The following SLC24A3 variants were observed in gnomAD, a reference collection of about 807,000 sequenced individuals.
SLC24A3 encodes the protein solute carrier family 24 member 3, also known as sodium/potassium/calcium exchanger 3.
A neutral mutation model predicts 75.8 loss-of-function variants in SLC24A3; 28 were observed. The ratio of observed to expected loss-of-function variants is 0.37; its 90% CI spans 0.27 to 0.51. The LOEUF is 0.51. Among genes scored for constraint, SLC24A3 ranks in the 20% least tolerant of loss-of-function variants. SLC24A3 has a pLI of 0.94. For synonymous variants in SLC24A3, 372 were observed against 334.1 expected, an observed-to-expected ratio of 1.11 and a Z score of -1.24; for missense variants, 663 against 847.8, an observed-to-expected ratio of 0.78 and a Z score of 2.71.
At chr20:19,681,333 A>G (rs1238441115) in intron 9 of SLC24A3, among the ~76,000 whole-genome samples, 1 of 152,196 alleles carries the variant, frequency 6.6e-6, no homozygotes, top group Non-Finnish European at 1.5e-5. Flanking sequence ...CAGGAAACCA[A>G]AGCCATACAG....
intron 2 of SLC24A3, among the ~76,000 whole-genome samples, chr20:19,323,953 C>CT (rs1182118998): frequency 6.6e-6 from 1 of 152,166 alleles, no homozygotes; most frequent in Non-Finnish European, 1.5e-5. Context: ...TATTTGCTTT[C>CT]TAGTCTGTCA....
At chr20:19,650,816 CT>C (rs2032194056) in intron 6 of SLC24A3, among the ~76,000 whole-genome samples, 1 of 152,064 alleles carries the variant, frequency 6.6e-6, no homozygotes, top group Non-Finnish European at 1.5e-5. Context: ...TTATAATTGT[CT>C]TTTTTATTGT....
chr20:19,305,139 T>C (rs1984292964), intron 2 of SLC24A3, among the ~76,000 whole-genome samples: 1 of 152,066 alleles, frequency 6.6e-6, no homozygotes, highest in Non-Finnish European at 1.5e-5. Flanking sequence ...TTTGGATGTG[T>C]CCATTCTTTC....
chr20:19,497,434 C>G (rs1988308777), intron 2 of SLC24A3, among the ~76,000 whole-genome samples: 1 of 152,142 alleles, frequency 6.6e-6, no homozygotes, highest in African/African-American at 2.4e-5. Context: ...TAGTAAAAGG[C>G]TAATTAGGAA....
chr20:19,307,846 C>T (rs897065100), intron 2 of SLC24A3, among the ~76,000 whole-genome samples: 5 of 152,128 alleles, frequency 3.3e-5, no homozygotes, highest in Non-Finnish European at 7.4e-5. Flanking sequence ...CAGGAATACA[C>T]ATGGCAGGGA....
At chr20:19,360,338 C>T (rs560271324) in intron 2 of SLC24A3, among the ~76,000 whole-genome samples, 2 of 152,314 alleles carry the variant, frequency 1.3e-5, no homozygotes, top group Non-Finnish European at 2.9e-5. Flanking sequence ...GCCTCCACAT[C>T]TGGGCCTGTG....
At chr20:19,333,350 C>A (rs1002222588) in intron 2 of SLC24A3, among the ~76,000 whole-genome samples, 2 of 152,130 alleles carry the variant, frequency 1.3e-5, no homozygotes, top group African/African-American at 4.8e-5. Flanking sequence ...TCATTACAAC[C>A]AGGGTGCTCA....
chr20:19,338,578 G>A (rs540643959), intron 2 of SLC24A3, among the ~76,000 whole-genome samples: 28 of 152,278 alleles, frequency 1.8e-4, no homozygotes, highest in African/African-American at 4.8e-4. Flanking sequence ...CACAATGCCT[G>A]TTCTATTTCA....
chr20:19,440,117 A>G (rs58156414), intron 2 of SLC24A3, among the ~76,000 whole-genome samples: 1 of 152,268 alleles, frequency 6.6e-6, no homozygotes, highest in South Asian at 2.1e-4. Flanking sequence ...CTGAAAACAG[A>G]CATCGTTCTA....
chr20:19,553,552 T>G (rs1025158745), intron 3 of SLC24A3, among the ~76,000 whole-genome samples: 1 of 152,202 alleles, frequency 6.6e-6, no homozygotes, highest in Non-Finnish European at 1.5e-5. Flanking sequence ...AGAACATGTC[T>G]TTCATATGAT....
chr20:19,386,536 G>A (rs1986275824), intron 2 of SLC24A3, among the ~76,000 whole-genome samples: 1 of 152,108 alleles, frequency 6.6e-6, no homozygotes, highest in South Asian at 2.1e-4. Flanking sequence ...TTGATTGTGA[G>A]GTTAGCTGTG....
intron 2 of SLC24A3, among the ~76,000 whole-genome samples, chr20:19,312,702 C>T (rs925810550): frequency 4.6e-5 from 7 of 152,224 alleles, no homozygotes; most frequent in African/African-American, 1.7e-4. Flanking sequence ...GCCCTCACAC[C>T]TTTTGTCTGG....
chr20:19,518,446 A>G lies in SLC24A3; in HGVS notation c.348+2882A>G, dbSNP rs186073163. On this transcript the variant is annotated intron_variant, in intron 3 of 16. Transcript: ENST00000328041. ...GTGCTGTGCTGTGGGAGCTTAGAGG[A>G]GGCAACTCAGTGTCAGGAAGGCCAG... Among the ~76,000 whole-genome samples the G allele has an allele frequency of 2.2e-4, 33 of 152,300 alleles. No homozygotes were observed. In the East Asian group the frequency reaches 6.2e-3, roughly 29 times the overall value.
intron 2 of SLC24A3, among the ~76,000 whole-genome samples, chr20:19,459,125 T>C (rs1987628061): frequency 6.6e-6 from 1 of 152,212 alleles, no homozygotes; most frequent in African/African-American, 2.4e-5. Flanking sequence ...TTGATATGTG[T>C]GATACATCCT....
At position 19,212,709 on chromosome 20, in the gene SLC24A3, C is replaced by T; in HGVS notation, c.-134C>T. 1 of 637,698 alleles carries T rather than the reference C, an allele frequency of 1.6e-6. No individual in the cohort carries two copies. Among genetic ancestry groups the T allele is most frequent in the Non-Finnish European group, 1.9e-6 (1 of 513,858 alleles). The allele number at this position is 637,698 out of a possible 1,614,324, so 39.5% of individuals were successfully genotyped here. On this transcript the variant is annotated 5_prime_UTR_variant, in exon 1 of 17. Transcript: ENST00000328041. The stretch of plus-strand genomic sequence containing the variant: ...GAGGAGGAGGAAGAGGAGGCGGAGG[C>T]GGCGGCCGGGTGGGAGCGCAGCGAG...
rs1480062304 is a variant in SLC24A3, at chr20:19,561,404, A to G, written c.349-18596A>G. Among the ~76,000 whole-genome samples, 4 of 152,118 alleles carry G rather than the reference A, an allele frequency of 2.6e-5. No homozygotes were observed. In the East Asian group the frequency reaches 7.7e-4, roughly 29 times the overall value. On this transcript the variant is annotated intron_variant, in intron 3 of 16. Transcript: ENST00000328041. The stretch of plus-strand genomic sequence containing the variant: ...AAATCATGTGTTTGTTAGAATGTGA[A>G]ATCTGGTTTGGGTTTCTTTGGATGG...
At chr20:19,463,125 T>C (rs1475072207) in intron 2 of SLC24A3, among the ~76,000 whole-genome samples, 1 of 152,218 alleles carries the variant, frequency 6.6e-6, no homozygotes, top group Non-Finnish European at 1.5e-5. Context: ...AAGAGAAATA[T>C]TCCATAGCTT....
chr20:19,390,108 GTT>G (rs888666298), intron 2 of SLC24A3, among the ~76,000 whole-genome samples: 1 of 151,982 alleles, frequency 6.6e-6, no homozygotes, highest in Non-Finnish European at 1.5e-5. Flanking sequence ...TACCATTTTG[GTT>G]TTTTGTTTCC....
At chr20:19,520,216 G>A (rs1008215942) in intron 3 of SLC24A3, among the ~76,000 whole-genome samples, 2 of 152,174 alleles carry the variant, frequency 1.3e-5, no homozygotes, top group African/African-American at 4.8e-5. Flanking sequence ...TAGATGTGCT[G>A]GGAAAAGACA....
Sources: gnomAD v4.1 joint callset for allele counts (sites outside exome capture counted in the v4.1 genomes callset) on GRCh38, gnomAD v4.1.1 for gene constraint, MANE v1.5 for transcripts, NCBI Gene and HGNC (gene_info 2026-07-23, HGNC 2026-07-21) for gene names.